The following SLC10A7 variants were observed in gnomAD, a reference collection of about 807,000 sequenced individuals.
SLC10A7 encodes solute carrier family 10 member 7.
Under a neutral mutation model 43.2 loss-of-function variants are expected in SLC10A7, and 29 were observed. The observed-to-expected ratio is 0.67, with a 90% CI of 0.50 to 0.92. The LOEUF (loss-of-function observed/expected upper bound fraction) is 0.92, where lower values mean the gene tolerates loss of function less well. SLC10A7 is among the 40% of genes least tolerant of loss of function. The pLI is 0.00. For missense variants in SLC10A7, 295 were observed against 403.2 expected, an observed-to-expected ratio of 0.73 and a Z score of 2.30; for synonymous variants, 152 against 144.8, an observed-to-expected ratio of 1.05 and a Z score of -0.35.
chr4:146,310,867 A>G (rs28401413), intron 6 of SLC10A7, among the ~76,000 whole-genome samples: 1,956 of 149,950 alleles, frequency 0.013, 46 homozygotes, highest in African/African-American at 0.044. Flanking sequence ...CACATTAGTT[A>G]TAGGTGGTAC....
chr4:146,395,708 A>G (rs551619797), intron 5 of SLC10A7, among the ~76,000 whole-genome samples: 4 of 152,074 alleles, frequency 2.6e-5, no homozygotes, highest in African/African-American at 9.7e-5. Flanking sequence ...ATGAAAACCA[A>G]AACGAGTATA....
chr4:146,520,012 C>T (rs1183087826), intron 1 of SLC10A7, among the ~76,000 whole-genome samples: 1 of 152,120 alleles, frequency 6.6e-6, no homozygotes, highest in Admixed American at 6.5e-5. Context: ...CTCATACATG[C>T]CACTGCAGAA....
intron 10 of SLC10A7, among the ~76,000 whole-genome samples, chr4:146,267,272 C>CT (rs1728618800): frequency 6.6e-6 from 1 of 152,168 alleles, no homozygotes; most frequent in South Asian, 2.1e-4. Flanking sequence ...TGAGATCAGT[C>CT]TGGTGCTGCC....
chr4:146,486,706 T>A (rs2149996689), intron 4 of SLC10A7, among the ~76,000 whole-genome samples: 1 of 152,286 alleles, frequency 6.6e-6, no homozygotes, highest in South Asian at 2.1e-4. Context: ...ATGTTTGAGG[T>A]GTACAAGAAG....
At chr4:146,464,534 G>C (rs1009310659) in intron 4 of SLC10A7, among the ~76,000 whole-genome samples, 1 of 151,950 alleles carries the variant, frequency 6.6e-6, no homozygotes, top group African/African-American at 2.4e-5. Context: ...ATGTGACTAA[G>C]AGAAGTCACA....
chr4:146,437,870 C>T (rs1730318398), intron 5 of SLC10A7, among the ~76,000 whole-genome samples: 1 of 151,976 alleles, frequency 6.6e-6, no homozygotes, highest in Non-Finnish European at 1.5e-5. Flanking sequence ...GAAATTCTTA[C>T]ATTTATGTTA....
At chr4:146,326,408 GACC>G (rs1466873070) in intron 5 of SLC10A7, among the ~76,000 whole-genome samples, 1 of 152,184 alleles carries the variant, frequency 6.6e-6, no homozygotes, top group Non-Finnish European at 1.5e-5. Flanking sequence ...CCTGAGCAAA[GACC>G]ACGTCAGTTG....
intron 5 of SLC10A7, among the ~76,000 whole-genome samples, chr4:146,406,038 T>C (rs571879312): frequency 6.6e-6 from 1 of 152,300 alleles, no homozygotes; most frequent in African/African-American, 2.4e-5. Context: ...TTTAAATAGA[T>C]TATATCAGAT....
At chr4:146,337,373 C>A (rs185415750) in intron 5 of SLC10A7, among the ~76,000 whole-genome samples, 20 of 152,070 alleles carry the variant, frequency 1.3e-4, no homozygotes, top group African/African-American at 4.6e-4. Context: ...TTTATTTTCC[C>A]TGAGAACACA....
chr4:146,469,220 C>T (rs1213432642), intron 4 of SLC10A7, among the ~76,000 whole-genome samples: 3 of 152,162 alleles, frequency 2.0e-5, no homozygotes, highest in African/African-American at 7.2e-5. Context: ...CTTTCTTGTG[C>T]TCCTAAAATA....
At chr4:146,458,342 C>A (rs1162023034) in intron 4 of SLC10A7, among the ~76,000 whole-genome samples, 1 of 151,528 alleles carries the variant, frequency 6.6e-6, no homozygotes, top group East Asian at 1.9e-4. Flanking sequence ...ATATAAAAAA[C>A]CAAACAGCTG....
At chr4:146,299,350 C>A (rs1301338577) in intron 7 of SLC10A7, among the ~76,000 whole-genome samples, 4 of 152,156 alleles carry the variant, frequency 2.6e-5, no homozygotes, top group Admixed American at 6.5e-5. Context: ...TAGACAAAGT[C>A]CCTGCTCTCA....
intron 3 of SLC10A7, among the ~76,000 whole-genome samples, chr4:146,507,276 C>G (rs1737000566): frequency 6.6e-6 from 1 of 152,110 alleles, no homozygotes; most frequent in Admixed American, 6.5e-5. Context: ...AAAAATCAAT[C>G]TGTGGCTGGG....
chr4:146,330,715 T>C (rs865987151), intron 5 of SLC10A7, among the ~76,000 whole-genome samples: 19 of 152,326 alleles, frequency 1.2e-4, no homozygotes, highest in Middle Eastern at 3.4e-3. Context: ...CTTTGTGTTA[T>C]TTTAGGTAAT....
chr4:146,265,645 C>T (rs1011929107), intron 10 of SLC10A7, among the ~76,000 whole-genome samples: 1 of 152,106 alleles, frequency 6.6e-6, no homozygotes, highest in Non-Finnish European at 1.5e-5. Flanking sequence ...CATTTAAGCA[C>T]AGGGCTGGTG....
chr4:146,436,205 C>T (rs114191639), intron 5 of SLC10A7, among the ~76,000 whole-genome samples: 379 of 152,144 alleles, frequency 2.5e-3, no homozygotes, highest in Non-Finnish European at 4.5e-3. Flanking sequence ...CTACACAAGT[C>T]CTGCCAGACA....
chr4:146,314,392 A>G (rs190064930), intron 6 of SLC10A7, among the ~76,000 whole-genome samples: 1 of 152,312 alleles, frequency 6.6e-6, no homozygotes, highest in East Asian at 1.9e-4. Context: ...CCTGGTATGT[A>G]TATATTCTGT....
chr4:146,370,605 AAT>A (rs1452335657), intron 5 of SLC10A7, among the ~76,000 whole-genome samples: 1 of 152,150 alleles, frequency 6.6e-6, no homozygotes, highest in Non-Finnish European at 1.5e-5. Context: ...CACAAAGAAG[AAT>A]ATAGAGTTCT....
intron 6 of SLC10A7, among the ~76,000 whole-genome samples, chr4:146,307,747 G>C (rs1413086391): frequency 6.6e-6 from 1 of 152,050 alleles, no homozygotes; most frequent in Non-Finnish European, 1.5e-5. Flanking sequence ...TCATGTAAAA[G>C]GTGACATTTC....
Sources: allele counts gnomAD v4.1 joint callset (sites outside exome capture counted in the v4.1 genomes callset), GRCh38; gene constraint gnomAD v4.1.1; transcripts MANE v1.5; gene names NCBI Gene and HGNC (gene_info 2026-07-23, HGNC 2026-07-21).